DSCAM: variants seen among roughly 807,000 people sequenced by gnomAD.
The protein encoded by DSCAM is DS cell adhesion molecule, also known as cell adhesion molecule DSCAM.
A neutral mutation model predicts 217.7 loss-of-function variants in DSCAM; 47 were observed. The ratio of observed to expected loss-of-function variants is 0.22; its 90% confidence interval spans 0.17 to 0.28. DSCAM has a LOEUF of 0.28. Ranked by LOEUF, DSCAM falls within the 10% of genes least tolerant of loss-of-function variation. The pLI is 1.00. For synonymous variants in DSCAM, 1,056 were observed against 1,015.3 expected, an observed-to-expected ratio of 1.04 and a Z score of -0.76; for missense variants, 2,080 against 2,618.3, an observed-to-expected ratio of 0.79 and a Z score of 4.49.
intron 11 of DSCAM, among the ~76,000 whole-genome samples, chr21:40,259,847 CCT>C (rs1210404835): frequency 6.6e-6 from 1 of 151,140 alleles, no homozygotes; most frequent in African/African-American, 2.4e-5. Context: ...TATAAATGAC[CCT>C]GTCTCCTTTG....
chr21:40,421,700 C>T (rs537841866), intron 3 of DSCAM, among the ~76,000 whole-genome samples: 6 of 152,350 alleles, frequency 3.9e-5, no homozygotes, highest in African/African-American at 1.4e-4. Context: ...TATCAATCAC[C>T]ATTTTAGCAG....
At chr21:40,291,434 C>A (rs977330929) in intron 10 of DSCAM, among the ~76,000 whole-genome samples, 4 of 152,200 alleles carry the variant, frequency 2.6e-5, no homozygotes, top group African/African-American at 9.6e-5. Context: ...GCTCACCATA[C>A]CCACTCCCCA....
intron 1 of DSCAM, among the ~76,000 whole-genome samples, chr21:40,792,098 C>T (rs187425754): frequency 6.6e-6 from 1 of 150,916 alleles, no homozygotes; most frequent in Non-Finnish European, 1.5e-5. Flanking sequence ...CATGGCCATC[C>T]CTCTTTGTGT....
chr21:40,498,604 ATATATAATATG>A (rs960355547), intron 3 of DSCAM, among the ~76,000 whole-genome samples: 1 of 145,914 alleles, frequency 6.9e-6, no homozygotes, highest in Non-Finnish European at 1.5e-5. Context: ...ATGTGTATAT[ATATATAATATG>A]TATATATGCA....
In DSCAM at chr21:40,029,819, C is replaced by T. The variant is rs528901359; in HGVS notation, c.5686+12552G>A. On this transcript the variant is annotated intron_variant, in intron 32 of 32. Transcript: ENST00000400454. ...AACCCCCACCCCCAGCTTCACTTAC[C>T]TATATCTCCCTCACTGCCTGAGGAC... Among the ~76,000 whole-genome samples the T allele has an allele frequency of 1.9e-4, 29 of 151,856 alleles. 1 individual carries two copies. In the East Asian group the frequency reaches 3.7e-3, roughly 19 times the overall value.
At chr21:40,782,001 A>AAG (rs1264401036) in intron 1 of DSCAM, among the ~76,000 whole-genome samples, 3 of 149,310 alleles carry the variant, frequency 2.0e-5, no homozygotes, top group Admixed American at 6.6e-5. Flanking sequence ...ACAAAAAAAA[A>AAG]AAAAAAAAAG....
chr21:40,722,967 TA>T (rs143251689), intron 1 of DSCAM, among the ~76,000 whole-genome samples: 5,561 of 152,136 alleles, frequency 0.037, 135 homozygotes, highest in East Asian at 0.098. Flanking sequence ...CAAGGTGACA[TA>T]ACAATCCTAA....
At chr21:40,241,932 T>C (rs2073158607) in intron 11 of DSCAM, among the ~76,000 whole-genome samples, 1 of 151,964 alleles carries the variant, frequency 6.6e-6, no homozygotes, top group Non-Finnish European at 1.5e-5. Flanking sequence ...CACTTATAAG[T>C]GGGAGCTAAA....
intron 3 of DSCAM, among the ~76,000 whole-genome samples, chr21:40,651,937 C>A (rs1353618035): frequency 1.3e-5 from 2 of 152,164 alleles, no homozygotes; most frequent in Admixed American, 6.5e-5. Flanking sequence ...AAGGGACAGG[C>A]ACAAAAGAGG....
At chr21:40,280,650 T>G (rs1167214091) in intron 10 of DSCAM, among the ~76,000 whole-genome samples, 1 of 152,200 alleles carries the variant, frequency 6.6e-6, no homozygotes, top group Non-Finnish European at 1.5e-5. Context: ...AGTAAAAAAG[T>G]AAATACCTTC....
chr21:40,677,964 C>G (rs137942159), intron 3 of DSCAM, among the ~76,000 whole-genome samples: 15 of 144,936 alleles, frequency 1.0e-4, no homozygotes, highest in Non-Finnish European at 1.2e-4. Context: ...CCCAAACAAT[C>G]TAAGACAATA....
chr21:40,248,114 G>T (rs948301930), intron 11 of DSCAM, among the ~76,000 whole-genome samples: 5 of 152,160 alleles, frequency 3.3e-5, no homozygotes, highest in Admixed American at 3.3e-4. Flanking sequence ...CACAGCATGG[G>T]CACCCTGGTG....
At chr21:40,348,046 T>C (rs1283297514) in intron 5 of DSCAM, 101 bp from the exon 6 acceptor site, 3 of 1,302,772 alleles carry the variant, frequency 2.3e-6, no homozygotes, top group Non-Finnish European at 3.1e-6. Context: ...CATCACGCAA[T>C]CATACTCCAC....
chr21:40,385,169 C>T (rs966408415), intron 3 of DSCAM: 9 of 152,166 alleles, frequency 5.9e-5, no homozygotes, highest in African/African-American at 2.2e-4. Flanking sequence ...GTTTTTCAAA[C>T]TTACATAAGT....
rs572264481 is a variant in DSCAM, at chr21:40,562,937, C to CA, written c.508+129872dup. Among the ~76,000 whole-genome samples, 25 of 152,256 alleles carry CA rather than the reference C, an allele frequency of 1.6e-4. 1 individual carries two copies. The East Asian group carries it at 4.8e-3, about 29-fold the overall frequency. On this transcript the variant is annotated intron_variant, in intron 3 of 32. Transcript: ENST00000400454. ...AGTCAACGGCTAGGAGAGAGAGACG[C>CA]AAAAACAAAGCATCTTATATTTTTC...
intron 3 of DSCAM, among the ~76,000 whole-genome samples, chr21:40,668,639 CA>C (rs1247373848): frequency 2.6e-5 from 4 of 152,192 alleles, no homozygotes. Flanking sequence ...CTTTATTTAA[CA>C]GGATTCCTGG....
intron 1 of DSCAM, among the ~76,000 whole-genome samples, chr21:40,800,279 G>C (rs113254059): frequency 1.3e-5 from 2 of 152,010 alleles, no homozygotes; most frequent in African/African-American, 4.8e-5. Flanking sequence ...TAAGCAATAC[G>C]AACTAAGACA....
At chr21:40,479,580 A>T (rs2011867) in intron 3 of DSCAM, among the ~76,000 whole-genome samples, 3 of 151,966 alleles carry the variant, frequency 2.0e-5, no homozygotes, top group African/African-American at 4.8e-5. Flanking sequence ...GGCAAGAGAA[A>T]GTGTGCAGGG....
intron 8 of DSCAM, among the ~76,000 whole-genome samples, chr21:40,326,826 TTA>T (rs993042880): frequency 3.4e-4 from 51 of 152,090 alleles, no homozygotes; most frequent in African/African-American, 1.1e-3. Flanking sequence ...TCAAGCTGAT[TTA>T]TAGCCCTAAG....
Sources: allele counts gnomAD v4.1 joint callset (sites outside exome capture counted in the v4.1 genomes callset), GRCh38; gene constraint gnomAD v4.1.1; transcripts MANE v1.5; gene names NCBI Gene and HGNC (gene_info 2026-07-23, HGNC 2026-07-21).